NMBR: variants seen among roughly 807,000 people sequenced by gnomAD.
NMBR encodes the protein neuromedin B receptor.
Under a neutral mutation model 20.5 loss-of-function variants are expected in NMBR, and 16 were observed. That is an observed-to-expected ratio of 0.78 (90% CI 0.53 to 1.19). NMBR has a LOEUF of 1.19. NMBR is among the 50% of genes most tolerant of loss of function. The pLI is 0.00. For missense variants in NMBR, 582 were observed against 499.1 expected (o/e 1.17, Z -1.58); for synonymous variants, 212 against 196.6 (o/e 1.08, Z -0.65).
Position 142,088,679 on chromosome 6 carries a change from C to A in NMBR, c.-21G>T, listed in dbSNP as rs982963738. ...GGCATGATCTCCTTTCCAGCAGAGT[C>A]CGCTGGAGTTTTCACGCGCTCCGGT... is the stretch of plus-strand genomic sequence containing the variant. On this transcript the variant is annotated 5_prime_UTR_variant, in exon 2 of 4. Transcript: ENST00000258042. The A allele has an allele frequency of 6.3e-7, 1 of 1,582,912 alleles. No individual in the cohort carries two copies. Among genetic ancestry groups the A allele is most frequent in the African/African-American group, 1.3e-5 (1 of 74,364 alleles).
chr6:142,085,518 T>A (rs1777183741), intron 2 of NMBR, among the ~76,000 whole-genome samples: 1 of 151,962 alleles, frequency 6.6e-6, no homozygotes, highest in African/African-American at 2.4e-5. Flanking sequence ...AGCAAGATTC[T>A]GTCTCAAAAA....
chr6:142,109,096 C>CT (rs1777713932), intron 1 of NMBR, among the ~76,000 whole-genome samples: 1 of 152,228 alleles, frequency 6.6e-6, no homozygotes, highest in Non-Finnish European at 1.5e-5. Flanking sequence ...AACCCTGTGG[C>CT]TTTGCAGGGT....
At chr6:142,102,163 CGGATCACGA>C (rs766953303) in intron 1 of NMBR, among the ~76,000 whole-genome samples, 71 of 151,944 alleles carry the variant, frequency 4.7e-4, no homozygotes, top group South Asian at 1.5e-3. Context: ...CTGAGGCAGG[CGGATCACGA>C]GGTCAGAAGA....
chr6:142,095,273 G>T (rs989440507), intron 1 of NMBR, among the ~76,000 whole-genome samples: 6 of 152,166 alleles, frequency 3.9e-5, no homozygotes, highest in African/African-American at 7.2e-5. Context: ...CATTCAGTAT[G>T]ATATTGGCTG....
rs115145141 is a variant in NMBR at position 142,132,224 on chromosome 6, G to A, written c.-664+14820C>T. On this transcript the variant is annotated intron_variant, in intron 1 of 3. Coordinates refer to ENST00000258042, the MANE Select transcript of NMBR (RefSeq NM_002511.4). ...TCTTTGGCAGATCACAAGAAAATGA[G>A]AAAGGCAAGTGAAGAAAGCAAATAT... 8.4e-3 allele frequency among the ~76,000 whole-genome samples: 1,286 copies of A among 152,286 alleles called. 14 individuals carry two copies. Among genetic ancestry groups the A allele is most frequent in the African/African-American group, 0.029 (1,205 of 41,552 alleles).
At chr6:142,134,395 T>G in intron 1 of NMBR, 1 of 455,760 alleles carries the variant, frequency 2.2e-6, no homozygotes, top group African/African-American at 2.0e-5. Context: ...TTCATTATAT[T>G]AAGACACATA....
intron 1 of NMBR, among the ~76,000 whole-genome samples, chr6:142,106,564 C>G (rs190260559): frequency 1.3e-5 from 2 of 152,276 alleles, no homozygotes; most frequent in African/African-American, 4.8e-5. Flanking sequence ...ATTCTTACAG[C>G]TTTTATAAAG....
At chr6:142,079,747 A>C (rs1363827908) in intron 2 of NMBR, among the ~76,000 whole-genome samples, 6 of 152,216 alleles carry the variant, frequency 3.9e-5, no homozygotes, top group African/African-American at 1.4e-4. Flanking sequence ...AAAACTTGAA[A>C]GCAGAACAAT....
intron 1 of NMBR, chr6:142,133,105 C>A: frequency 3.2e-6 from 2 of 623,712 alleles, no homozygotes; most frequent in East Asian, 2.8e-5. Flanking sequence ...AGCAAACTGG[C>A]AATGTGGGTC....
intron 1 of NMBR, among the ~76,000 whole-genome samples, chr6:142,100,276 T>C (rs1438608720): frequency 6.7e-6 from 1 of 149,846 alleles, no homozygotes; most frequent in Non-Finnish European, 1.5e-5. Flanking sequence ...TTATAACAGC[T>C]TTATTCATAA....
At chr6:142,116,752 T>C (rs1777862653) in intron 1 of NMBR, among the ~76,000 whole-genome samples, 2 of 152,142 alleles carry the variant, frequency 1.3e-5, no homozygotes. Flanking sequence ...CGTTAAAATT[T>C]GTTATAAATT....
At chr6:142,092,997 A>C in intron 1 of NMBR, among the ~76,000 whole-genome samples, 1 of 152,110 alleles carries the variant, frequency 6.6e-6, no homozygotes, top group East Asian at 1.9e-4. Flanking sequence ...TAGGTACATT[A>C]CTTAGAAGTG....
In NMBR at chr6:142,075,107, T is replaced by TACAC. The variant is rs538192248; in HGVS notation, c.*540_*541insGTGT. Among the ~76,000 whole-genome samples the TACAC allele has an allele frequency of 1.5e-4, 18 of 117,436 alleles. No individual in the cohort carries two copies. The highest frequency in any genetic ancestry group is 6.2e-4 in the African/African-American group (17 of 27,442). 77.0% of individuals were successfully genotyped at this position (117,436 alleles called of 152,430 possible). Reference sequence around the variant, plus strand: ...GTACATATATACATATACATATATATATACACACACACACACACTCATGCA... The same window carrying TACAC: ...GTACATATATACATATACATATATATACACATACACACACACACACACTCATGCA... On this transcript the variant is annotated 3_prime_UTR_variant, in exon 4 of 4. Coordinates refer to ENST00000258042, the MANE Select transcript of NMBR (RefSeq NM_002511.4).
chr6:142,134,631 G>A (rs569490784), intron 1 of NMBR: 44 of 685,382 alleles, frequency 6.4e-5, no homozygotes, highest in Admixed American at 2.9e-4. Context: ...TTCTTCAAAA[G>A]CCTATCTACA....
chr6:142,105,767 C>G (rs1777651790), intron 1 of NMBR, among the ~76,000 whole-genome samples: 1 of 152,082 alleles, frequency 6.6e-6, no homozygotes, highest in African/African-American at 2.4e-5. Flanking sequence ...AGTGAAAACT[C>G]TAGAAAGCAA....
In NMBR at chr6:142,094,003, T is replaced by G. The variant is rs535094884; in HGVS notation, c.-663-4682A>C. ...TCGCCCACTCTTTGATGGGGTTGTT[T>G]TTTTTCTTGTAAATTTGTTTGAGTT... On this transcript the variant is annotated intron_variant, in intron 1 of 3. Transcript: ENST00000258042. 1.5e-4 allele frequency among the ~76,000 whole-genome samples: 23 copies of G among 151,660 alleles called. No homozygotes were observed. In the South Asian group the frequency reaches 1.9e-3, roughly 12 times the overall value.
intron 2 of NMBR, among the ~76,000 whole-genome samples, chr6:142,087,452 G>T (rs1777220427): frequency 6.6e-6 from 1 of 152,116 alleles, no homozygotes; most frequent in Non-Finnish European, 1.5e-5. Flanking sequence ...AGGAGACTTG[G>T]ATTTTCCTCC....
intron 1 of NMBR, among the ~76,000 whole-genome samples, chr6:142,109,999 G>A (rs1015375424): frequency 7.9e-5 from 12 of 152,142 alleles, no homozygotes; most frequent in Non-Finnish European, 1.0e-4. Context: ...AAGTTACTCA[G>A]TCTAAGGTAT....
intron 1 of NMBR, among the ~76,000 whole-genome samples, chr6:142,098,299 C>T (rs780463345): frequency 4.6e-5 from 7 of 152,166 alleles, no homozygotes; most frequent in Admixed American, 4.6e-4. Flanking sequence ...TCTCACCATT[C>T]CTTTTCAATT....
Sources: allele counts gnomAD v4.1 joint callset (sites outside exome capture counted in the v4.1 genomes callset), GRCh38; gene constraint gnomAD v4.1.1; transcripts MANE v1.5; gene names NCBI Gene and HGNC (gene_info 2026-07-23, HGNC 2026-07-21).